The following SLC44A4 variants were observed in gnomAD, a reference collection of about 807,000 sequenced individuals.
SLC44A4 encodes the protein choline transporter-like protein 4.
A neutral mutation model predicts 97.0 loss-of-function variants in SLC44A4; 74 were observed. The ratio of observed to expected loss-of-function variants is 0.76; its 90% CI spans 0.63 to 0.93. SLC44A4 has a LOEUF of 0.93. Ranked by LOEUF, SLC44A4 falls within the 40% of genes least tolerant of loss-of-function variation. The pLI, the probability that SLC44A4 is intolerant of heterozygous loss-of-function variation, is 0.00. For missense variants in SLC44A4, 799 were observed against 902.9 expected (o/e 0.88, Z 1.48); for synonymous variants, 325 against 363.8 (o/e 0.89, Z 1.21).
chr6:31,867,081 C>A (rs2151556711), intron 13 of SLC44A4, among the ~76,000 whole-genome samples: 1 of 151,490 alleles, frequency 6.6e-6, no homozygotes, highest in Non-Finnish European at 1.5e-5. Flanking sequence ...CAAATATAAC[C>A]AAAAAAATTT....
intron 10 of SLC44A4, 36 bp from the exon 11 acceptor site, chr6:31,870,738 C>T: frequency 6.2e-7 from 1 of 1,611,486 alleles, no homozygotes; most frequent in South Asian, 1.1e-5. Flanking sequence ...TAGGTCAGGG[C>T]CAGGGCTGGG....
chr6:31,871,521 C>A lies in SLC44A4; in HGVS notation c.570G>T (p.Pro190=). 1 of 1,613,816 alleles carries A rather than the reference C, an allele frequency of 6.2e-7. No homozygotes were observed. The highest frequency in any genetic ancestry group is 2.2e-5 in the East Asian group (1 of 44,868). ...RCFPWTNVTP[P]ALPGITNDTT... is the part of the protein sequence containing the mutation. ...TGTCATTGGTGATCCCTGGGAGCGC[C>A]GGTGGAGTAACGTTGGTCCATGGAA... The change falls in exon 8 of 21, where the codon CCG becomes CCT. Residue 190 remains proline (P), a synonymous_variant. Coordinates refer to ENST00000229729, the MANE Select transcript of SLC44A4 (RefSeq NM_025257.3).
At chr6:31,872,884 A>T (rs180810845) in intron 7 of SLC44A4, among the ~76,000 whole-genome samples, 1 of 135,206 alleles carries the variant, frequency 7.4e-6, no homozygotes, top group Non-Finnish European at 1.6e-5. Flanking sequence ...TAAATTGTCT[A>T]ATTTTTTTTT....
intron 12 of SLC44A4, 137 bp from the exon 13 acceptor site, chr6:31,869,394 C>T (rs949544982): frequency 2.1e-6 from 2 of 939,840 alleles, no homozygotes; most frequent in African/African-American, 3.3e-5. Flanking sequence ...TGCACCCTTT[C>T]AACTCTGTTC....
intron 13 of SLC44A4, among the ~76,000 whole-genome samples, chr6:31,867,831 T>TTG (rs1291117598): frequency 6.6e-6 from 1 of 151,472 alleles, no homozygotes; most frequent in Non-Finnish European, 1.5e-5. Context: ...AACCTTTTTT[T>TTG]TTTTTTTTTG....
chr6:31,865,154 G>A lies in SLC44A4; in HGVS notation c.1761-74C>T. On this transcript the variant is annotated intron_variant, in intron 17 of 20. Transcript: ENST00000229729. This position sits in a 1 kb window ranked among gnomAD's most constrained non-coding sequence, Gnocchi z 5.2. The stretch of plus-strand genomic sequence containing the variant: ...GAGAGTGAAATTGGCTTCGTAATTT[G>A]TGGGGACTGGTGCAAAATGAAAATT... The A allele has an allele frequency of 6.4e-7, 1 of 1,562,340 alleles. No homozygotes were observed.
At position 31,866,107 on chromosome 6, in the gene SLC44A4, G is replaced by A. The variant is rs568729174; in HGVS notation, c.1253C>T (p.Ser418Leu). The A allele has an allele frequency of 6.8e-6, 11 of 1,614,004 alleles. No homozygotes were observed. Among genetic ancestry groups the A allele is most frequent in the Admixed American group, 1.7e-5 (1 of 60,014 alleles). The change falls in exon 14 of 21, where the codon TCG (serine) becomes TTG (leucine). Residue 418 changes from serine to leucine, a missense_variant. By Grantham distance (145) the Ser-to-Leu change is moderately radical (BLOSUM62 -2). Around this residue, in one of 3 missense-constraint regions of SLC44A4, gnomAD observed 379 missense variants for 438.3 expected, o/e 0.86. Coordinates refer to ENST00000229729, the MANE Select transcript of SLC44A4 (RefSeq NM_025257.3). ...GAAGACGCACATCAGCCCTGGGCAC[G>A]AGGAGTTCACAAGGTGGGCCTGGGA... Reference protein sequence around the residue: ...CNPTAHLVNSSCPGLMCVFQG... With the variant: ...CNPTAHLVNSLCPGLMCVFQG...
At position 31,869,433 on chromosome 6, in the gene SLC44A4, G is replaced by A. The variant is rs1763029487; in HGVS notation, c.1130+112C>T. On this transcript the variant is annotated intron_variant, in intron 12 of 20. Transcript: ENST00000229729. ...CACAGTGCTGGTGTGTCTGCCCAGAGAAAGGGGCACCTCTTCCAGTGACAC... is the reference window on the plus strand; with the variant it reads ...CACAGTGCTGGTGTGTCTGCCCAGAAAAAGGGGCACCTCTTCCAGTGACAC... 5 of 1,027,798 alleles carry A rather than the reference G, an allele frequency of 4.9e-6. No individual in the cohort carries two copies. The South Asian group carries it at 7.4e-5, about 15-fold the overall frequency. 63.7% of individuals were successfully genotyped at this position (1,027,798 alleles called of 1,614,324 possible).
chr6:31,865,040 A>G lies in SLC44A4; in HGVS notation c.1801T>C (p.Phe601Leu). 2 of 1,613,662 alleles carry G rather than the reference A, an allele frequency of 1.2e-6. No homozygotes were observed. The highest frequency in any genetic ancestry group is 1.7e-6 in the Non-Finnish European group (2 of 1,180,034). The change falls in exon 18 of 21, where the codon TTT becomes CTT. Residue 601 changes from phenylalanine to leucine, a missense_variant. By Grantham distance (22) the Phe-to-Leu change is conservative. Coordinates refer to ENST00000229729, the MANE Select transcript of SLC44A4 (RefSeq NM_025257.3). The surrounding 1 kb of genome is among the most constrained non-coding windows in gnomAD (Gnocchi z 5.2). ...CCTCCGACCACCAGCAGCTTCCCAAAGAACAGCAGCAGGTCTGTGACTTTG... is the reference window on the plus strand; with the variant it reads ...CCTCCGACCACCAGCAGCTTCCCAAGGAACAGCAGCAGGTCTGTGACTTTG... ...LDKVTDLLLFFGKLLVVGGVG... is the reference protein window; with the variant it reads ...LDKVTDLLLFLGKLLVVGGVG...
At chr6:31,866,156 T>A (rs1762860298) in intron 13 of SLC44A4, 30 bp from the exon 14 acceptor site, 1 of 1,609,284 alleles carries the variant, frequency 6.2e-7, no homozygotes, top group Admixed American at 1.7e-5. Context: ...TAGAGTAGGC[T>A]CAGGCATCGG....
In SLC44A4 at chr6:31,863,665, T is replaced by C; in HGVS notation, c.2095A>G (p.Asn699Asp). The C allele has an allele frequency of 6.2e-7, 1 of 1,612,318 alleles. No individual in the cohort carries two copies. The highest frequency in any genetic ancestry group is 1.1e-5 in the South Asian group (1 of 91,006). Residue 699 changes from asparagine (N) to aspartate (D), a missense_variant, in exon 21 of 21, where the codon AAC becomes GAC. Physicochemically the swap from Asn to Asp is conservative, Grantham distance 23 (BLOSUM62 1). Coordinates refer to ENST00000229729, the MANE Select transcript of SLC44A4 (RefSeq NM_025257.3). ...KSLLKILGKK[N>D]EAPPDNKKRK... ...TTCTTGTTGTCCGGGGGCGCCTCGT[T>C]CTTCTTGCCCAGAATCTTTAGAAGG...
intron 7 of SLC44A4, among the ~76,000 whole-genome samples, chr6:31,871,995 T>A (rs1310706395): frequency 6.6e-6 from 1 of 152,066 alleles, no homozygotes; most frequent in Non-Finnish European, 1.5e-5. Context: ...CCAGCCCATG[T>A]TCCCTTCTAC....
chr6:31,869,114 C>T, intron 13 of SLC44A4, 41 bp downstream of exon 13: 1 of 1,526,962 alleles, frequency 6.5e-7, no homozygotes, highest in African/African-American at 1.4e-5. Flanking sequence ...CAGCCCCTCA[C>T]CCCTACTAGT....
In SLC44A4 at chr6:31,874,742, C is replaced by T. The variant is rs570288453; in HGVS notation, c.447G>A (p.Leu149=). Residue 149 remains leucine, a synonymous_variant, in exon 6 of 21, where the codon CTG becomes CTA. Transcript: ENST00000229729. This position sits in a 1 kb window ranked among gnomAD's most constrained non-coding sequence, Gnocchi z 4.8. ...VFYTKNRNFC[L]PGVPWNMTVI... ...TCACCATATTCCAGGGTACCCCTGG[C>T]AGACAAAAGTTCCTGTTTTTTGTAT... 6.2e-7 allele frequency: 1 copy of T among 1,612,764 alleles called. No homozygotes were observed. Among genetic ancestry groups the T allele is most frequent in the Middle Eastern group, 1.7e-4 (1 of 6,060 alleles).
Position 31,874,996 on chromosome 6 carries a change from A to C in SLC44A4, c.275T>G (p.Phe92Cys). 3 of 1,612,966 alleles carry C rather than the reference A, an allele frequency of 1.9e-6. No homozygotes were observed. Among genetic ancestry groups the C allele is most frequent in the Admixed American group, 1.7e-5 (1 of 59,988 alleles). The stretch of plus-strand genomic sequence containing the variant: ...GATGTTGCTGGACAGGATGCAGCTG[A>C]AGATGTTGAAGTACAGGAGATACGG... ...DKPYLLYFNIFSCILSSNIIS... is the reference protein window; with the variant it reads ...DKPYLLYFNICSCILSSNIIS... Residue 92 changes from phenylalanine to cysteine, a missense_variant, in exon 5 of 21, where the codon TTC becomes TGC. This residue lies in a region of SLC44A4 where 409 missense variants were observed against 434.1 expected (regional missense o/e 0.94). Transcript: ENST00000229729. This position sits in a 1 kb window ranked among gnomAD's most constrained non-coding sequence, Gnocchi z 4.8.
intron 20 of SLC44A4, 71 bp downstream of exon 20, chr6:31,864,579 CAA>C (rs5875335): frequency 7.4e-3 from 9,112 of 1,231,340 alleles, no homozygotes; most frequent in Non-Finnish European, 8.7e-3. Flanking sequence ...ACCAAATCTC[CAA>C]AAAAAAAAAA....
Position 31,869,569 on chromosome 6 carries a change from A to G in SLC44A4, c.1106T>C (p.Ile369Thr). The G allele has an allele frequency of 6.2e-7, 1 of 1,606,048 alleles. No individual in the cohort carries two copies. Among genetic ancestry groups the G allele is most frequent in the Non-Finnish European group, 8.5e-7 (1 of 1,176,966 alleles). Residue 369 changes from isoleucine (I) to threonine (T), a missense_variant, in exon 12 of 21, where the codon ATT (isoleucine) becomes ACT (threonine). Coordinates refer to ENST00000229729, the MANE Select transcript of SLC44A4 (RefSeq NM_025257.3). ...CAGAGCAGTCATGGCCCAGTAGGCA[A>G]TGCAGATGAGGAGGAGGACAAAGGT... The part of the protein sequence containing the change: ...LVTFVLLLIC[I>T]AYWAMTALYL...
rs1562447576 is a variant in SLC44A4, at chr6:31,869,238, G to T, written c.1150C>A (p.Gln384Lys). The T allele has an allele frequency of 6.2e-7, 1 of 1,608,474 alleles. No homozygotes were observed. The change falls in exon 13 of 21, where the codon CAA (glutamine) becomes AAA (lysine). Residue 384 changes from glutamine (Q) to lysine (K), a missense_variant. By Grantham distance (53) the Gln-to-Lys change is moderately conservative. This residue lies in a region of SLC44A4 where 379 missense variants were observed against 438.3 expected (regional missense o/e 0.86). Transcript: ENST00000229729. ...GATGCCCAGAGCACATACTGGGGTT[G>T]CCCCGATGTAGCCAGGTACCCAGAG... Reference protein sequence around the residue: ...MTALYLATSGQPQYVLWASNI... With the variant: ...MTALYLATSGKPQYVLWASNI...
chr6:31,863,781 C>T, intron 20 of SLC44A4, 33 bp from the exon 21 acceptor site: 1 of 1,610,226 alleles, frequency 6.2e-7, no homozygotes, highest in Non-Finnish European at 8.5e-7. Flanking sequence ...TAGAGCGGAC[C>T]CTGGGGCCAG....
Sources: allele counts gnomAD v4.1 joint callset (sites outside exome capture counted in the v4.1 genomes callset), GRCh38; gene constraint gnomAD v4.1.1; regional missense constraint gnomAD v4.1.1; non-coding constraint Gnocchi (gnomAD v3.1); transcripts MANE v1.5; gene names NCBI Gene and HGNC (gene_info 2026-07-23, HGNC 2026-07-21).